MGMT: variants seen among roughly 807,000 people sequenced by gnomAD.
MGMT encodes the protein methylated-DNA--protein-cysteine methyltransferase.
A neutral mutation model predicts 15.9 loss-of-function variants in MGMT; 14 were observed. The observed-to-expected ratio is 0.88, with a 90% CI of 0.58 to 1.37. The LOEUF is 1.37. MGMT is among the 40% of genes most tolerant of loss of function. MGMT has a pLI of 0.00. For missense variants in MGMT, 282 were observed against 268.1 expected (o/e 1.05, Z -0.36); for synonymous variants, 130 against 118.2 (o/e 1.10, Z -0.65).
At chr10:129,596,408 G>A (rs1846751948) in intron 2 of MGMT, among the ~76,000 whole-genome samples, 1 of 152,134 alleles carries the variant, frequency 6.6e-6, no homozygotes, top group Non-Finnish European at 1.5e-5. Context: ...AGATGATCTT[G>A]GAAAGAAGTG....
chr10:129,584,350 T>A (rs908618959), intron 2 of MGMT, among the ~76,000 whole-genome samples: 2 of 152,150 alleles, frequency 1.3e-5, no homozygotes, highest in African/African-American at 2.4e-5. Context: ...GTATCTCAAA[T>A]TTTAATTGCC....
At chr10:129,661,419 A>T (rs1233348005) in intron 2 of MGMT, among the ~76,000 whole-genome samples, 3 of 152,100 alleles carry the variant, frequency 2.0e-5, no homozygotes, top group Non-Finnish European at 4.4e-5. Flanking sequence ...AGACGCGTCC[A>T]TTTCTCACAC....
chr10:129,670,874 T>G (rs112265186), intron 2 of MGMT, among the ~76,000 whole-genome samples: 47 of 152,356 alleles, frequency 3.1e-4, no homozygotes, highest in African/African-American at 1.1e-3. Context: ...TGAAAAGATT[T>G]AATTTTTCTG....
At chr10:129,480,158 G>A (rs1845341744) in intron 1 of MGMT, among the ~76,000 whole-genome samples, 1 of 152,132 alleles carries the variant, frequency 6.6e-6, no homozygotes, top group African/African-American at 2.4e-5. Context: ...GATATGTTTG[G>A]GTTGAAGCGC....
At chr10:129,510,828 G>A (rs376880624) in intron 1 of MGMT, among the ~76,000 whole-genome samples, 1 of 150,346 alleles carries the variant, frequency 6.7e-6, no homozygotes, top group African/African-American at 2.4e-5. Context: ...TATACTAGAC[G>A]CAGGCACGTG....
At chr10:129,730,113 T>C (rs143477894) in intron 3 of MGMT, among the ~76,000 whole-genome samples, 8 of 152,298 alleles carry the variant, frequency 5.3e-5, no homozygotes, top group Non-Finnish European at 1.0e-4. Context: ...TTCTAGATGT[T>C]TCTGATGAAC....
intron 2 of MGMT, among the ~76,000 whole-genome samples, chr10:129,642,156 G>A (rs1016780505): frequency 6.6e-6 from 1 of 151,958 alleles, no homozygotes; most frequent in Middle Eastern, 3.4e-3. Flanking sequence ...AGAGTTGTGC[G>A]TTGAAAAGTG....
intron 2 of MGMT, among the ~76,000 whole-genome samples, chr10:129,650,634 C>T (rs141115865): frequency 2.0e-5 from 3 of 152,318 alleles, no homozygotes; most frequent in Non-Finnish European, 2.9e-5. Flanking sequence ...TGCAGTGTTA[C>T]CAGTGAGCTG....
intron 1 of MGMT, among the ~76,000 whole-genome samples, chr10:129,499,155 A>T (rs1845551381): frequency 6.6e-6 from 1 of 152,244 alleles, no homozygotes; most frequent in Non-Finnish European, 1.5e-5. Flanking sequence ...CAGCCACTAG[A>T]TGCAGATGAG....
chr10:129,728,523 G>C (rs1262933684), intron 3 of MGMT, among the ~76,000 whole-genome samples: 1 of 152,072 alleles, frequency 6.6e-6, no homozygotes, highest in African/African-American at 2.4e-5. Context: ...AATTCTGCTT[G>C]GTCTCCTGAC....
chr10:129,738,726 CAA>C (rs1848595430), intron 3 of MGMT, among the ~76,000 whole-genome samples: 1 of 152,164 alleles, frequency 6.6e-6, no homozygotes, highest in Non-Finnish European at 1.5e-5. Flanking sequence ...ACCAGAGGTA[CAA>C]AGAAGAGCTG....
chr10:129,751,385 C>T (rs1467584254), intron 3 of MGMT, among the ~76,000 whole-genome samples: 1 of 151,736 alleles, frequency 6.6e-6, no homozygotes, highest in African/African-American at 2.4e-5. Context: ...TCTTTTATTC[C>T]TGATATTGAT....
At chr10:129,484,462 T>C (rs915197237) in intron 1 of MGMT, among the ~76,000 whole-genome samples, 2 of 152,246 alleles carry the variant, frequency 1.3e-5, no homozygotes, top group Non-Finnish European at 2.9e-5. Context: ...CATATGGGCC[T>C]TTTAAAATAT....
chr10:129,754,032 G>T (rs1848778436), intron 3 of MGMT, among the ~76,000 whole-genome samples: 2 of 152,232 alleles, frequency 1.3e-5, no homozygotes, highest in African/African-American at 4.8e-5. Context: ...CTTAACATCA[G>T]TTCTTTTGTG....
intron 2 of MGMT, among the ~76,000 whole-genome samples, chr10:129,681,777 A>G (rs1206997642): frequency 1.3e-5 from 2 of 152,192 alleles, no homozygotes; most frequent in Non-Finnish European, 1.5e-5. Context: ...TTTTGTATCC[A>G]TGAAATCCTG....
intron 1 of MGMT, among the ~76,000 whole-genome samples, chr10:129,517,768 C>T (rs1589845683): frequency 9.1e-6 from 1 of 110,390 alleles, no homozygotes; most frequent in African/African-American, 5.6e-5. Flanking sequence ...TCTCCACACC[C>T]TGACTCCAAA....
intron 1 of MGMT, among the ~76,000 whole-genome samples, chr10:129,505,050 G>A (rs528596567): frequency 2.3e-4 from 35 of 152,166 alleles, no homozygotes; most frequent in Non-Finnish European, 4.3e-4. Flanking sequence ...TAAAATTGCA[G>A]CGTGTGTTTC....
intron 3 of MGMT, among the ~76,000 whole-genome samples, chr10:129,742,375 T>C (rs1270853290): frequency 6.6e-6 from 1 of 152,162 alleles, no homozygotes; most frequent in East Asian, 1.9e-4. Flanking sequence ...TGGGATGGAG[T>C]CCCACCTCGG....
rs923771280 is a variant in MGMT, at chr10:129,532,679, G to A, written c.-12-3562G>A. ...CTTGGATTGGGGGTGAACTCGAGGT[G>A]TGGTCTGTGCAGAATGGCGTGACAG... is the stretch of plus-strand genomic sequence containing the variant. On this transcript the variant is annotated intron_variant, in intron 1 of 4. Coordinates refer to ENST00000651593, the MANE Select transcript of MGMT (RefSeq NM_002412.5). This position sits in a 1 kb window ranked among gnomAD's most constrained non-coding sequence, Gnocchi z 5.3. 2.0e-5 allele frequency among the ~76,000 whole-genome samples: 3 copies of A among 152,140 alleles called. No individual in the cohort carries two copies. Among genetic ancestry groups the A allele is most frequent in the Non-Finnish European group, 4.4e-5 (3 of 68,030 alleles).
Sources: allele counts gnomAD v4.1 joint callset (sites outside exome capture counted in the v4.1 genomes callset), GRCh38; gene constraint gnomAD v4.1.1; non-coding constraint Gnocchi (gnomAD v3.1); transcripts MANE v1.5; gene names NCBI Gene and HGNC (gene_info 2026-07-23, HGNC 2026-07-21).